The following SIK3 variants were observed in gnomAD, a reference collection of about 807,000 sequenced individuals.
SIK3 encodes the protein serine/threonine-protein kinase SIK3.
A neutral mutation model predicts 144.2 loss-of-function variants in SIK3; 28 were observed. The ratio of observed to expected loss-of-function variants is 0.19; its 90% CI spans 0.14 to 0.27. SIK3 has a LOEUF of 0.27. SIK3 is among the 10% of genes least tolerant of loss of function. The probability of loss-of-function intolerance (pLI) is 1.00; values close to 1 mark genes in which losing one functional copy is unlikely to be tolerated. For missense variants in SIK3, 1,319 were observed against 1,776.0 expected, an observed-to-expected ratio of 0.74 and a Z score of 4.62; for synonymous variants, 686 against 676.3, an observed-to-expected ratio of 1.01 and a Z score of -0.22.
intron 4 of SIK3, among the ~76,000 whole-genome samples, chr11:116,900,838 T>TCATATA (rs879327126): frequency 9.9e-5 from 15 of 151,992 alleles, no homozygotes; most frequent in South Asian, 2.1e-4. Context: ...TACTGTTCTG[T>TCATATA]CATATACATA....
At chr11:116,969,080 G>A (rs1490962105) in intron 1 of SIK3, among the ~76,000 whole-genome samples, 5 of 151,962 alleles carry the variant, frequency 3.3e-5, no homozygotes, top group African/African-American at 1.2e-4. Flanking sequence ...CACAAGGTCA[G>A]GAGATTGAGA....
intron 1 of SIK3, among the ~76,000 whole-genome samples, chr11:117,072,325 T>C (rs1009093781): frequency 6.6e-6 from 1 of 151,980 alleles, no homozygotes; most frequent in Non-Finnish European, 1.5e-5. Flanking sequence ...GAGGCAGAAA[T>C]TGCAGTGAGC....
intron 1 of SIK3, among the ~76,000 whole-genome samples, chr11:117,016,431 G>GGAAC (rs1311138760): frequency 1.2e-3 from 179 of 150,258 alleles, no homozygotes; most frequent in African/African-American, 4.2e-3. Context: ...AAGGAAGGAA[G>GGAAC]GAAGGAAGGA....
intron 1 of SIK3, 71 bp downstream of exon 1, chr11:117,098,072 C>G (rs1422259702): frequency 8.1e-7 from 1 of 1,230,650 alleles, no homozygotes; most frequent in African/African-American, 1.6e-5. Flanking sequence ...GCCCCGACCC[C>G]CCGGCTGGGG....
intron 3 of SIK3, among the ~76,000 whole-genome samples, chr11:116,934,059 C>G (rs756217516): frequency 1.3e-5 from 2 of 152,196 alleles, no homozygotes; most frequent in Non-Finnish European, 2.9e-5. Flanking sequence ...CTATTGTCAG[C>G]TTACCTCCTG....
At chr11:116,869,253 AC>A in intron 14 of SIK3, 1 of 152,150 alleles carries the variant, frequency 6.6e-6, no homozygotes, top group East Asian at 1.9e-4. Flanking sequence ...ACCTGCCAAC[AC>A]CCCTGTTTGC....
chr11:116,992,565 C>A (rs1950535411), intron 1 of SIK3, among the ~76,000 whole-genome samples: 1 of 152,106 alleles, frequency 6.6e-6, no homozygotes, highest in Non-Finnish European at 1.5e-5. Flanking sequence ...GCACCCAATA[C>A]ATATTAATTG....
At chr11:117,065,084 G>A (rs1163582871) in intron 1 of SIK3, among the ~76,000 whole-genome samples, 4 of 151,994 alleles carry the variant, frequency 2.6e-5, no homozygotes, top group African/African-American at 9.7e-5. Context: ...AGCAGGCAGA[G>A]GTTGCAGCGA....
intron 1 of SIK3, among the ~76,000 whole-genome samples, chr11:117,063,045 A>T (rs185170130): frequency 6.6e-6 from 1 of 152,368 alleles, no homozygotes; most frequent in Admixed American, 6.5e-5. Flanking sequence ...TGTTGCACTT[A>T]GAAATGTTCA....
intron 1 of SIK3, among the ~76,000 whole-genome samples, chr11:117,007,031 C>T (rs1384471174): frequency 6.6e-6 from 1 of 152,210 alleles, no homozygotes; most frequent in Non-Finnish European, 1.5e-5. Context: ...ACTACTATCC[C>T]ATGGTGTTCC....
intron 1 of SIK3, among the ~76,000 whole-genome samples, chr11:117,002,480 A>T (rs990868246): frequency 6.6e-6 from 1 of 152,172 alleles, no homozygotes; most frequent in Non-Finnish European, 1.5e-5. Context: ...CCTGCCCAAA[A>T]TACCAGCATC....
At chr11:117,090,582 C>A (rs908947812) in intron 1 of SIK3, among the ~76,000 whole-genome samples, 10 of 152,156 alleles carry the variant, frequency 6.6e-5, no homozygotes, top group Non-Finnish European at 1.2e-4. Context: ...ACCAGCCCAG[C>A]AGAACAAATG....
intron 6 of SIK3, among the ~76,000 whole-genome samples, chr11:116,884,151 G>A (rs1311727993): frequency 6.6e-6 from 1 of 152,002 alleles, no homozygotes; most frequent in Non-Finnish European, 1.5e-5. Context: ...ACATATTACT[G>A]CTATAATAGA....
intron 1 of SIK3, among the ~76,000 whole-genome samples, chr11:116,972,433 C>T (rs902633246): frequency 1.3e-5 from 2 of 152,142 alleles, no homozygotes; most frequent in Non-Finnish European, 2.9e-5. Context: ...GAAAACATAT[C>T]CCCGTATTTC....
intron 4 of SIK3, among the ~76,000 whole-genome samples, chr11:116,921,138 C>T (rs1156234556): frequency 6.6e-6 from 1 of 152,136 alleles, no homozygotes; most frequent in Non-Finnish European, 1.5e-5. Context: ...ACTCTTTTCC[C>T]AGCATTGGGG....
At chr11:116,927,111 T>A in intron 4 of SIK3, 108 bp downstream of exon 4, 1 of 771,854 alleles carries the variant, frequency 1.3e-6, no homozygotes, top group Non-Finnish European at 2.0e-6. Flanking sequence ...TTGTCCTTAC[T>A]TTCACAATAG....
At chr11:117,023,374 T>C (rs890887087) in intron 1 of SIK3, among the ~76,000 whole-genome samples, 7 of 151,260 alleles carry the variant, frequency 4.6e-5, no homozygotes, top group African/African-American at 1.2e-4. Context: ...TGAACTAATA[T>C]TGCAGGAAGA....
chr11:116,910,830 A>C (rs1565440873), intron 4 of SIK3, among the ~76,000 whole-genome samples: 1 of 151,620 alleles, frequency 6.6e-6, no homozygotes, highest in African/African-American at 2.4e-5. Context: ...CAACAACAAC[A>C]AAAAAAACAC....
chr11:117,047,003 A>G (rs552751050), intron 1 of SIK3, among the ~76,000 whole-genome samples: 7 of 152,322 alleles, frequency 4.6e-5, no homozygotes, highest in African/African-American at 1.7e-4. Context: ...TTTTTCCTAT[A>G]TAAAATGCTA....
Sources: gnomAD v4.1 joint callset for allele counts (sites outside exome capture counted in the v4.1 genomes callset) on GRCh38, gnomAD v4.1.1 for gene constraint, MANE v1.5 for transcripts, NCBI Gene and HGNC (gene_info 2026-07-23, HGNC 2026-07-21) for gene names.